Variants in ZBTB7C observed in about 807,000 individuals in gnomAD.
ZBTB7C encodes zinc finger and BTB domain-containing protein 7C.
ZBTB7C carries 8 observed loss-of-function variants against 25.7 expected under a neutral mutation model. That is an observed-to-expected ratio of 0.31 (90% CI 0.18 to 0.56). The LOEUF is 0.56. Among genes scored for constraint, ZBTB7C ranks in the 20% least tolerant of loss-of-function variants. The pLI is 0.91. For missense variants in ZBTB7C, 824 were observed against 855.2 expected, an observed-to-expected ratio of 0.96 and a Z score of 0.46; for synonymous variants, 394 against 369.0, an observed-to-expected ratio of 1.07 and a Z score of -0.78.
chr18:48,331,672 A>G (rs1477857993), intron 2 of ZBTB7C, among the ~76,000 whole-genome samples: 1 of 152,156 alleles, frequency 6.6e-6, no homozygotes, highest in Non-Finnish European at 1.5e-5. Context: ...TTACCCTGAA[A>G]TCTTTTTGCA....
At chr18:48,139,035 G>A (rs2040260062) in intron 3 of ZBTB7C, among the ~76,000 whole-genome samples, 2 of 152,268 alleles carry the variant, frequency 1.3e-5, no homozygotes, top group South Asian at 4.1e-4. Context: ...GCACCCTGTG[G>A]GTGCATAAGG....
At chr18:48,220,471 G>A (rs536048240) in intron 2 of ZBTB7C, among the ~76,000 whole-genome samples, 1 of 152,308 alleles carries the variant, frequency 6.6e-6, no homozygotes, top group South Asian at 2.1e-4. Context: ...GCACCTAAGT[G>A]TCAGGCATGG....
chr18:48,338,602 A>G (rs1435390149), intron 1 of ZBTB7C, among the ~76,000 whole-genome samples: 1 of 151,982 alleles, frequency 6.6e-6, no homozygotes, highest in East Asian at 1.9e-4. Flanking sequence ...GCCTCAACAC[A>G]CACACACACA....
At chr18:48,266,638 C>T (rs1250125599) in intron 2 of ZBTB7C, among the ~76,000 whole-genome samples, 1 of 152,214 alleles carries the variant, frequency 6.6e-6, no homozygotes, top group African/African-American at 2.4e-5. Context: ...ACACAACCCC[C>T]CTAGCATCCG....
intron 3 of ZBTB7C, among the ~76,000 whole-genome samples, chr18:48,142,610 G>A (rs1568252446): frequency 6.6e-6 from 1 of 152,172 alleles, no homozygotes; most frequent in Non-Finnish European, 1.5e-5. Context: ...ACTGTGGGAG[G>A]AGGGGAGGGT....
intron 3 of ZBTB7C, among the ~76,000 whole-genome samples, chr18:48,086,611 A>G (rs550281147): frequency 3.9e-5 from 6 of 152,314 alleles, no homozygotes; most frequent in African/African-American, 1.4e-4. Flanking sequence ...GTTCTCAGTA[A>G]AGAGTACCGC....
intron 2 of ZBTB7C, among the ~76,000 whole-genome samples, chr18:48,248,330 C>A (rs76737766): frequency 0.053 from 8,093 of 152,208 alleles, 344 homozygotes; most frequent in East Asian, 0.18. Flanking sequence ...TCAGACAGTT[C>A]TTTATAGCAG....
At chr18:48,077,536 G>A (rs1369881960) in intron 3 of ZBTB7C, among the ~76,000 whole-genome samples, 1 of 152,202 alleles carries the variant, frequency 6.6e-6, no homozygotes, top group Non-Finnish European at 1.5e-5. Flanking sequence ...GCCTGGCATG[G>A]AGCAGCTGCT....
intron 2 of ZBTB7C, among the ~76,000 whole-genome samples, chr18:48,324,127 C>T (rs977767439): frequency 7.9e-5 from 12 of 152,272 alleles, no homozygotes; most frequent in African/African-American, 2.9e-4. Context: ...CTTCCAGAAT[C>T]GTGAGTAGCA....
chr18:48,133,353 A>C (rs2040045568), intron 3 of ZBTB7C, among the ~76,000 whole-genome samples: 1 of 152,242 alleles, frequency 6.6e-6, no homozygotes, highest in African/African-American at 2.4e-5. Context: ...AATGGAACAA[A>C]AGGGAAAATG....
At chr18:48,367,350 A>G (rs1598969921) in intron 1 of ZBTB7C, among the ~76,000 whole-genome samples, 1 of 101,022 alleles carries the variant, frequency 9.9e-6, no homozygotes, top group Non-Finnish European at 2.3e-5. Context: ...ATGTGTGCAT[A>G]TATATATATA....
At chr18:48,136,905 C>G (rs1420432970) in intron 3 of ZBTB7C, 1 of 935,962 alleles carries the variant, frequency 1.1e-6, no homozygotes, top group Non-Finnish European at 1.3e-6. Flanking sequence ...CCCGGCCGCC[C>G]GGAAGGGCTT....
At chr18:48,234,181 T>G (rs2043321161) in intron 2 of ZBTB7C, among the ~76,000 whole-genome samples, 1 of 152,130 alleles carries the variant, frequency 6.6e-6, no homozygotes, top group African/African-American at 2.4e-5. Flanking sequence ...TGAAGTCTTC[T>G]GCAACGCTAT....
chr18:48,115,322 C>A (rs1412427040), intron 3 of ZBTB7C, among the ~76,000 whole-genome samples: 1 of 152,106 alleles, frequency 6.6e-6, no homozygotes, highest in Non-Finnish European at 1.5e-5. Flanking sequence ...GATCTTGGCT[C>A]ACTGCAGGCT....
chr18:48,115,251 TTTC>T (rs1168415870), intron 3 of ZBTB7C, among the ~76,000 whole-genome samples: 1 of 152,010 alleles, frequency 6.6e-6, no homozygotes, highest in African/African-American at 2.4e-5. Context: ...TATCAGAACT[TTTC>T]TTTTTTTTTT....
At chr18:48,290,082 G>C (rs2045176827) in intron 2 of ZBTB7C, among the ~76,000 whole-genome samples, 1 of 152,198 alleles carries the variant, frequency 6.6e-6, no homozygotes. Context: ...TAGGGTTCTT[G>C]TGTACTTTCA....
chr18:48,206,827 GA>G (rs2042586608), intron 2 of ZBTB7C, among the ~76,000 whole-genome samples: 1 of 152,070 alleles, frequency 6.6e-6, no homozygotes, highest in Non-Finnish European at 1.5e-5. Context: ...AAACAGGACA[GA>G]AAAAGCACTG....
intron 3 of ZBTB7C, among the ~76,000 whole-genome samples, chr18:48,107,200 GGGA>G (rs1377786416): frequency 6.6e-6 from 1 of 151,382 alleles, no homozygotes; most frequent in East Asian, 2.0e-4. Flanking sequence ...GAGGTCAGGA[GGGA>G]GGAGGATTGA....
At chr18:48,342,642 G>C (rs2046631415) in intron 1 of ZBTB7C, among the ~76,000 whole-genome samples, 2 of 152,194 alleles carry the variant, frequency 1.3e-5, no homozygotes, top group Admixed American at 1.3e-4. Flanking sequence ...TATACAAATG[G>C]AATATTTTTT....
Sources: allele counts gnomAD v4.1 joint callset (sites outside exome capture counted in the v4.1 genomes callset), GRCh38; gene constraint gnomAD v4.1.1; transcripts MANE v1.5; gene names NCBI Gene and HGNC (gene_info 2026-07-23, HGNC 2026-07-21).